Variants in DMD observed in about 807,000 individuals in gnomAD.
DMD encodes dystrophin, also known as mutant dystrophin.
In DMD, 63 loss-of-function variants were observed where a neutral mutation model predicts 330.1. The observed-to-expected ratio is 0.19, with a 90% confidence interval of 0.16 to 0.24. The LOEUF (loss-of-function observed/expected upper bound fraction) is 0.24. Ranked by LOEUF, DMD falls within the 10% of genes least tolerant of loss-of-function variation. The probability of loss-of-function intolerance (pLI) is 1.00; values close to 1 mark genes in which losing one functional copy is unlikely to be tolerated. For synonymous variants in DMD, 1,223 were observed against 959.8 expected (o/e 1.27, Z -5.07); for missense variants, 3,344 against 2,684.1 (o/e 1.25, Z -5.43).
intron 59 of DMD, among the ~76,000 whole-genome samples, chrX:31,450,825 G>A (rs34151290): frequency 0.015 from 1,700 of 112,041 alleles, 16 homozygotes; most frequent in Non-Finnish European, 0.023. Context: ...AGGCAAAGGG[G>A]TTTTCCCTTT....
chrX:32,595,244 C>G (rs2055385904), intron 13 of DMD, among the ~76,000 whole-genome samples: 1 of 111,183 alleles, frequency 9.0e-6, no homozygotes, highest in Non-Finnish European at 1.9e-5. Context: ...AAAATGAAAG[C>G]AAGTAGAAAA....
intron 45 of DMD, 26 bp from the exon 46 acceptor site, chrX:31,932,253 A>ATT: frequency 8.8e-7 from 1 of 1,130,518 alleles, no homozygotes; most frequent in Non-Finnish European, 1.2e-6. Context: ...TAAAATTGTT[A>ATT]TTTTTTTTTC....
chrX:32,838,266 T>A (rs1026540933), intron 4 of DMD, among the ~76,000 whole-genome samples: 22 of 111,450 alleles, frequency 2.0e-4, no homozygotes, highest in African/African-American at 6.9e-4. Flanking sequence ...TTTTATATTT[T>A]TTATTATTCT....
intron 59 of DMD, among the ~76,000 whole-genome samples, chrX:31,474,707 AAAAAAAAAAT>A (rs1465831950): frequency 1.1e-5 from 1 of 87,745 alleles, no homozygotes; most frequent in Non-Finnish European, 2.2e-5. Flanking sequence ...AGACTGTCGC[AAAAAAAAAAT>A]AAAATAAAAT....
intron 1 of DMD, among the ~76,000 whole-genome samples, chrX:33,335,266 T>A (rs984088717): frequency 9.2e-6 from 1 of 108,475 alleles, no homozygotes; most frequent in African/African-American, 3.3e-5. Flanking sequence ...ACCATACCTA[T>A]CATATATATA....
chrX:32,595,979 G>A (rs1264782067), intron 12 of DMD, 103 bp from the exon 13 acceptor site: 6 of 767,940 alleles, frequency 7.8e-6, no homozygotes, highest in African/African-American at 4.2e-5. Context: ...TACATCTCAG[G>A]TACTCCCATT....
At chrX:31,408,106 T>C (rs938895253) in intron 60 of DMD, among the ~76,000 whole-genome samples, 3 of 111,773 alleles carry the variant, frequency 2.7e-5, no homozygotes, top group Admixed American at 9.5e-5. Flanking sequence ...TTGGGATAGG[T>C]TTTCCAGGAA....
At position 31,120,967 on chromosome X, in the gene DMD, TTAC is replaced by T. The variant is rs2032372156; in HGVS notation, c.*949_*951del. 9.0e-6 allele frequency: 1 copy of T among 110,835 alleles called. No homozygotes were observed. The highest frequency in any genetic ancestry group is 3.3e-5 in the African/African-American group (1 of 30,222). The allele number at this position is 110,835 out of a possible 1,213,427, so 9.1% of individuals were successfully genotyped here. ...GTTCCCTTTAAAAAAATCCAATACT[TTAC>T]TTTACTTTCGTTGTCAGTGGAAAGT... On this transcript the variant is annotated 3_prime_UTR_variant, in exon 79 of 79. Transcript: ENST00000357033.
intron 2 of DMD, among the ~76,000 whole-genome samples, chrX:32,886,340 A>G (rs1211415677): frequency 4.5e-5 from 5 of 109,971 alleles, no homozygotes; most frequent in Non-Finnish European, 7.6e-5. Flanking sequence ...TAATAATAAT[A>G]ATAATTTTGC....
chrX:31,204,027 C>G lies in DMD; in HGVS notation c.9741G>C (p.Gln3247His). 8.3e-7 allele frequency: 1 copy of G among 1,210,668 alleles called. No homozygotes were observed. The highest frequency in any genetic ancestry group is 1.8e-5 in the South Asian group (1 of 56,962). ...LLHDSIQIPR[Q>H]LGEVASFGGS... ...CCCCAAAGGATGCAACTTCACCCAA[C>G]TGTCTTGGAATTTGGATAGAATCAT... is the stretch of plus-strand genomic sequence containing the variant. The change falls in exon 67 of 79, where the codon CAG becomes CAC. Residue 3247 changes from glutamine (Q) to histidine (H), a missense_variant. Transcript: ENST00000357033.
chrX:32,685,206 A>G (rs7051924), intron 9 of DMD, among the ~76,000 whole-genome samples: 4,465 of 111,191 alleles, frequency 0.04, 243 homozygotes, highest in African/African-American at 0.14. Context: ...GACTTTAATC[A>G]CCTAGCTCAC....
At chrX:32,326,442 A>G (rs1351542325) in intron 41 of DMD, among the ~76,000 whole-genome samples, 1 of 112,947 alleles carries the variant, frequency 8.9e-6, no homozygotes, top group Non-Finnish European at 1.9e-5. Context: ...TAGCATAGCT[A>G]CATAAATAAG....
intron 44 of DMD, among the ~76,000 whole-genome samples, chrX:32,185,452 T>A (rs984881800): frequency 1.5e-4 from 17 of 111,629 alleles, no homozygotes; most frequent in African/African-American, 4.9e-4. Flanking sequence ...CCCCCAGGAA[T>A]ATGGATTTGA....
At chrX:33,103,709 C>T (rs772210268) in intron 1 of DMD, among the ~76,000 whole-genome samples, 7 of 111,443 alleles carry the variant, frequency 6.3e-5, no homozygotes, top group Middle Eastern at 4.7e-3. Flanking sequence ...TCTCTTCACA[C>T]GGACGCGACT....
At chrX:32,526,760 A>G (rs1187332127) in intron 17 of DMD, among the ~76,000 whole-genome samples, 2 of 112,434 alleles carry the variant, frequency 1.8e-5, no homozygotes, top group Non-Finnish European at 3.8e-5. Context: ...GAAGTTGTCA[A>G]TTTTGAATTG....
intron 1 of DMD, among the ~76,000 whole-genome samples, chrX:33,043,892 T>C (rs1194812362): frequency 2.9e-5 from 3 of 102,384 alleles, no homozygotes; most frequent in Non-Finnish European, 6.0e-5. Context: ...TGTAATTCAT[T>C]TGGGTAGAGG....
chrX:32,310,840 TCTTG>T (rs1282375389), intron 41 of DMD, among the ~76,000 whole-genome samples: 1 of 110,938 alleles, frequency 9.0e-6, no homozygotes, highest in African/African-American at 3.3e-5. Flanking sequence ...GTTGCTAGTC[TCTTG>T]CTAAGTTAAG....
intron 1 of DMD, among the ~76,000 whole-genome samples, chrX:33,078,219 TG>T (rs777222282): frequency 7.3e-4 from 82 of 111,734 alleles, no homozygotes; most frequent in Admixed American, 1.4e-3. Flanking sequence ...GGACTCTGTG[TG>T]GACAAGGTAT....
At chrX:32,908,211 A>C (rs2086889477) in intron 2 of DMD, among the ~76,000 whole-genome samples, 2 of 111,986 alleles carry the variant, frequency 1.8e-5, no homozygotes, top group African/African-American at 6.5e-5. Context: ...ATTCAGTGAC[A>C]TTAATATCAT....
Sources: gnomAD v4.1 joint callset for allele counts (sites outside exome capture counted in the v4.1 genomes callset) on GRCh38, gnomAD v4.1.1 for gene constraint, MANE v1.5 for transcripts, NCBI Gene and HGNC (gene_info 2026-07-23, HGNC 2026-07-21) for gene names.